Variants in SNTG1 observed in about 807,000 individuals in gnomAD.
The protein encoded by SNTG1 is gamma-1-syntrophin.
In SNTG1, 39 loss-of-function variants were observed where a neutral mutation model predicts 74.7. The ratio of observed to expected loss-of-function variants is 0.52; its 90% CI spans 0.40 to 0.68. The LOEUF (loss-of-function observed/expected upper bound fraction) is 0.68, where lower values mean the gene tolerates loss of function less well. Ranked by LOEUF, SNTG1 falls within the 30% of genes least tolerant of loss-of-function variation. The pLI is 0.00. For missense variants in SNTG1, 685 were observed against 609.5 expected, an observed-to-expected ratio of 1.12 and a Z score of -1.30; for synonymous variants, 254 against 217.1, an observed-to-expected ratio of 1.17 and a Z score of -1.49.
rs1225967638 is a variant in SNTG1 at position 50,449,665 on chromosome 8, C to A, written c.220-3C>A. The A allele has an allele frequency of 6.3e-7, 1 of 1,584,474 alleles. No individual in the cohort carries two copies. Among genetic ancestry groups the A allele is most frequent in the Admixed American group, 1.7e-5 (1 of 57,556 alleles). On this transcript the variant is annotated splice_region_variant and splice_polypyrimidine_tract_variant and intron_variant, in intron 5 of 18. Coordinates refer to ENST00000642720, the MANE Select transcript of SNTG1 (RefSeq NM_018967.5). ...AGTACAATATATGATTTTCTCTTTT[C>A]AGGGAGGAGCAGAACATAACATTCC... is the stretch of plus-strand genomic sequence containing the variant.
intron 12 of SNTG1, among the ~76,000 whole-genome samples, chr8:50,558,861 A>G (rs2130663708): frequency 6.6e-6 from 1 of 152,318 alleles, no homozygotes; most frequent in Admixed American, 6.5e-5. Context: ...TAAAAGAAAT[A>G]TTCAGGGTAC....
At position 50,449,718 on chromosome 8, in the gene SNTG1, A is replaced by G; in HGVS notation, c.270A>G (p.Glu90=). The change falls in exon 6 of 19, where the codon GAA becomes GAG. Residue 90 remains glutamate (E), a synonymous_variant. Coordinates refer to ENST00000642720, the MANE Select transcript of SNTG1 (RefSeq NM_018967.5). ...IPVVVSKISK[E]QRAELSGLLF... ...TTGTCGTTTCAAAAATCTCCAAGGA[A>G]CAAAGAGGTAATATGTTTAGAGAAT... 6.3e-7 allele frequency: 1 copy of G among 1,596,574 alleles called. No individual in the cohort carries two copies. The highest frequency in any genetic ancestry group is 8.5e-7 in the Non-Finnish European group (1 of 1,170,016).
intron 12 of SNTG1, among the ~76,000 whole-genome samples, chr8:50,572,430 T>A (rs971418091): frequency 6.6e-6 from 1 of 152,164 alleles, no homozygotes; most frequent in African/African-American, 2.4e-5. Context: ...CATATGCTAA[T>A]CTTAAAATGA....
chr8:50,379,499 C>T (rs2131215622), intron 2 of SNTG1, among the ~76,000 whole-genome samples: 1 of 152,238 alleles, frequency 6.6e-6, no homozygotes. Context: ...CATTGGGTGA[C>T]TGCAGCAGCA....
intron 2 of SNTG1, among the ~76,000 whole-genome samples, chr8:50,303,177 A>T (rs79225495): frequency 0.06 from 9,079 of 152,210 alleles, 305 homozygotes; most frequent in Non-Finnish European, 0.071. Context: ...GACTTTTTTC[A>T]CAATGGACTC....
intron 13 of SNTG1, among the ~76,000 whole-genome samples, chr8:50,629,006 G>A (rs1585893094): frequency 6.6e-6 from 1 of 152,078 alleles, no homozygotes; most frequent in Non-Finnish European, 1.5e-5. Context: ...TCATTTATAT[G>A]TGGAAGCTAA....
intron 13 of SNTG1, among the ~76,000 whole-genome samples, chr8:50,596,774 T>A (rs148309032): frequency 5.6e-4 from 86 of 152,250 alleles, no homozygotes; most frequent in African/African-American, 2.0e-3. Context: ...TTTTTATTAA[T>A]GTTTTTATAT....
chr8:50,639,691 T>C (rs962733749), intron 13 of SNTG1, among the ~76,000 whole-genome samples: 6 of 152,076 alleles, frequency 3.9e-5, no homozygotes, highest in African/African-American at 1.2e-4. Context: ...AAAATACTTA[T>C]ATTTAAATAA....
intron 1 of SNTG1, among the ~76,000 whole-genome samples, chr8:50,018,043 T>A (rs11998408): frequency 0.1 from 15,266 of 151,716 alleles, 2,008 homozygotes; most frequent in African/African-American, 0.3. Flanking sequence ...AGACAGAAAA[T>A]CCATGTCCAT....
chr8:50,027,189 T>C (rs751944697), intron 1 of SNTG1, among the ~76,000 whole-genome samples: 3 of 152,144 alleles, frequency 2.0e-5, no homozygotes, highest in Non-Finnish European at 2.9e-5. Flanking sequence ...GGGAATTAAG[T>C]TCATTTTTAG....
At chr8:50,684,163 C>T (rs530734668) in intron 15 of SNTG1, among the ~76,000 whole-genome samples, 1 of 152,324 alleles carries the variant, frequency 6.6e-6, no homozygotes, top group South Asian at 2.1e-4. Flanking sequence ...GATATCCCCA[C>T]TTACATAAAC....
chr8:50,660,358 AAGAG>A (rs1294891794), intron 15 of SNTG1, among the ~76,000 whole-genome samples: 7 of 132,522 alleles, frequency 5.3e-5, no homozygotes, highest in African/African-American at 1.8e-4. Context: ...GAAAGAAAGA[AAGAG>A]AGAGAGAGAA....
At chr8:50,567,878 C>G (rs569905957) in intron 12 of SNTG1, among the ~76,000 whole-genome samples, 11 of 152,144 alleles carry the variant, frequency 7.2e-5, no homozygotes, top group African/African-American at 2.6e-4. Flanking sequence ...TCTATTTTAG[C>G]TACATTGAGA....
At chr8:50,658,688 T>C in intron 15 of SNTG1, 25 bp downstream of exon 15, 5 of 1,536,824 alleles carry the variant, frequency 3.3e-6, no homozygotes, top group Non-Finnish European at 4.5e-6. Flanking sequence ...TAGTCAGTAT[T>C]TGAATGGCTT....
At chr8:50,779,605 T>A (rs1283398685) in intron 18 of SNTG1, among the ~76,000 whole-genome samples, 2 of 152,188 alleles carry the variant, frequency 1.3e-5, no homozygotes, top group African/African-American at 4.8e-5. Context: ...GATTTTGGGC[T>A]GAGACAATGG....
intron 9 of SNTG1, among the ~76,000 whole-genome samples, chr8:50,517,920 A>T (rs1014229492): frequency 1.3e-5 from 2 of 152,214 alleles, no homozygotes; most frequent in African/African-American, 2.4e-5. Context: ...TAACAAGGAT[A>T]TTCAGGACTT....
At chr8:50,561,912 C>T (rs2094490501) in intron 12 of SNTG1, among the ~76,000 whole-genome samples, 1 of 152,136 alleles carries the variant, frequency 6.6e-6, no homozygotes, top group Non-Finnish European at 1.5e-5. Flanking sequence ...TATCTGTCTT[C>T]TATAACCTTT....
intron 4 of SNTG1, among the ~76,000 whole-genome samples, chr8:50,420,432 T>A (rs1279299358): frequency 6.6e-6 from 1 of 151,854 alleles, no homozygotes; most frequent in African/African-American, 2.4e-5. Context: ...GTGAAACACA[T>A]CCTCCAGGAA....
intron 18 of SNTG1, among the ~76,000 whole-genome samples, chr8:50,783,438 G>C (rs929224656): frequency 5.9e-5 from 9 of 152,196 alleles, no homozygotes; most frequent in Non-Finnish European, 8.8e-5. Flanking sequence ...CTGCCTTGCA[G>C]TTTGATCTCA....
Sources: allele counts gnomAD v4.1 joint callset (sites outside exome capture counted in the v4.1 genomes callset), GRCh38; gene constraint gnomAD v4.1.1; transcripts MANE v1.5; gene names NCBI Gene and HGNC (gene_info 2026-07-23, HGNC 2026-07-21).